The following LRRTM4 variants were observed in gnomAD, a reference collection of about 807,000 sequenced individuals.
LRRTM4 encodes leucine-rich repeat transmembrane neuronal protein 4.
A neutral mutation model predicts 47.6 loss-of-function variants in LRRTM4; 25 were observed. That is an observed-to-expected ratio of 0.53 (90% CI 0.38 to 0.73). The LOEUF is 0.73. Among genes scored for constraint, LRRTM4 ranks in the 30% least tolerant of loss-of-function variants. LRRTM4 has a pLI of 0.00. For missense variants in LRRTM4, 638 were observed against 713.4 expected (o/e 0.89, Z 1.20); for synonymous variants, 311 against 269.5 (o/e 1.15, Z -1.51).
intron 3 of LRRTM4, among the ~76,000 whole-genome samples, chr2:76,864,328 T>C (rs1672402821): frequency 6.6e-6 from 1 of 152,170 alleles, no homozygotes; most frequent in South Asian, 2.1e-4. Context: ...AGATTGGTTA[T>C]GAAAACATTT....
At chr2:77,207,349 G>GTA (rs1553409290) in intron 3 of LRRTM4, among the ~76,000 whole-genome samples, 5,883 of 120,608 alleles carry the variant, frequency 0.049, 174 homozygotes, top group African/African-American at 0.088. Flanking sequence ...TCATATATGT[G>GTA]TATATATATA....
chr2:76,912,531 T>TCG, intron 3 of LRRTM4, among the ~76,000 whole-genome samples: 2 of 152,290 alleles, frequency 1.3e-5, no homozygotes, highest in East Asian at 3.9e-4. Flanking sequence ...ATTCCAAGAT[T>TCG]ATGAGAACAA....
At chr2:77,240,833 A>C (rs1675238901) in intron 3 of LRRTM4, among the ~76,000 whole-genome samples, 1 of 151,974 alleles carries the variant, frequency 6.6e-6, no homozygotes, top group Non-Finnish European at 1.5e-5. Context: ...AAATGCCATT[A>C]ATTATTAAGG....
intron 3 of LRRTM4, among the ~76,000 whole-genome samples, chr2:76,913,970 A>C (rs537224351): frequency 6.6e-6 from 1 of 152,060 alleles, no homozygotes; most frequent in African/African-American, 2.4e-5. Context: ...TTAGAAATGC[A>C]TATCTCTTCA....
At chr2:76,934,056 T>C (rs1674859620) in intron 3 of LRRTM4, among the ~76,000 whole-genome samples, 1 of 152,154 alleles carries the variant, frequency 6.6e-6, no homozygotes, top group South Asian at 2.1e-4. Context: ...GTGTTCACTT[T>C]GCATCAGTAC....
At chr2:76,780,687 C>G (rs1324182150) in intron 3 of LRRTM4, among the ~76,000 whole-genome samples, 1 of 152,108 alleles carries the variant, frequency 6.6e-6, no homozygotes, top group African/African-American at 2.4e-5. Context: ...TTTTCAACTT[C>G]TTTGCCTTTG....
intron 3 of LRRTM4, among the ~76,000 whole-genome samples, chr2:77,106,520 C>G (rs1455861534): frequency 6.6e-6 from 1 of 151,562 alleles, no homozygotes; most frequent in African/African-American, 2.4e-5. Flanking sequence ...GATAGAAATA[C>G]TGGAATTAAG....
intron 3 of LRRTM4, among the ~76,000 whole-genome samples, chr2:77,190,213 C>A (rs1007362212): frequency 1.3e-5 from 2 of 150,764 alleles, no homozygotes; most frequent in African/African-American, 4.9e-5. Flanking sequence ...TCTATCAATT[C>A]ATTTGTATAT....
intron 3 of LRRTM4, among the ~76,000 whole-genome samples, chr2:77,051,689 C>A (rs1679438072): frequency 6.6e-6 from 1 of 152,164 alleles, no homozygotes; most frequent in Non-Finnish European, 1.5e-5. Flanking sequence ...AGTCCCTAGA[C>A]ATCTGTAAAA....
chr2:77,090,195 C>A (rs985764003), intron 3 of LRRTM4, among the ~76,000 whole-genome samples: 1 of 152,118 alleles, frequency 6.6e-6, no homozygotes, highest in South Asian at 2.1e-4. Flanking sequence ...CCCCGTCCTG[C>A]CCAGCAATTT....
chr2:77,086,420 G>GTGTGTGTGTGTGTA (rs1680716424), intron 3 of LRRTM4, among the ~76,000 whole-genome samples: 1 of 150,592 alleles, frequency 6.6e-6, no homozygotes, highest in African/African-American at 2.4e-5. Context: ...GTGTGTGTAT[G>GTGTGTGTGTGTGTA]TGTGTGTATG....
chr2:76,797,160 T>C (rs199896627), intron 3 of LRRTM4, among the ~76,000 whole-genome samples: 1 of 151,864 alleles, frequency 6.6e-6, no homozygotes, highest in African/African-American at 2.4e-5. Flanking sequence ...ATACACACAA[T>C]TGTCAGATTC....
intron 3 of LRRTM4, among the ~76,000 whole-genome samples, chr2:77,079,827 T>A (rs1180103980): frequency 6.6e-6 from 1 of 152,104 alleles, no homozygotes; most frequent in Non-Finnish European, 1.5e-5. Context: ...ATTTCTATTC[T>A]TTTACTTTTT....
intron 3 of LRRTM4, among the ~76,000 whole-genome samples, chr2:77,032,538 GAATAATTGAATA>G (rs2104144304): frequency 6.6e-6 from 1 of 152,000 alleles, no homozygotes; most frequent in Non-Finnish European, 1.5e-5. Flanking sequence ...TATATTTTTT[GAATAATTGAATA>G]AATAATTGAA....
At chr2:77,244,074 T>A (rs1675354948) in intron 3 of LRRTM4, among the ~76,000 whole-genome samples, 1 of 132,258 alleles carries the variant, frequency 7.6e-6, no homozygotes, top group African/African-American at 2.9e-5. Flanking sequence ...TCCAATTTCA[T>A]CCATGTCCCT....
intron 3 of LRRTM4, among the ~76,000 whole-genome samples, chr2:77,401,993 T>A (rs1443881798): frequency 1.3e-5 from 2 of 152,018 alleles, no homozygotes; most frequent in East Asian, 3.9e-4. Flanking sequence ...TATAAAGAGA[T>A]TACTTAAACA....
At chr2:77,258,102 TA>T (rs1675819285) in intron 3 of LRRTM4, among the ~76,000 whole-genome samples, 1 of 113,512 alleles carries the variant, frequency 8.8e-6, no homozygotes, top group African/African-American at 3.3e-5. Context: ...GTCTCAAAAA[TA>T]AAAAGAAAAG....
chr2:77,174,857 T>C (rs1010250149), intron 3 of LRRTM4, among the ~76,000 whole-genome samples: 1 of 151,898 alleles, frequency 6.6e-6, no homozygotes. Context: ...CCATGTGTTC[T>C]CATTGTTCAA....
chr2:76,900,715 G>A (rs564591664), intron 3 of LRRTM4, among the ~76,000 whole-genome samples: 3 of 152,184 alleles, frequency 2.0e-5, no homozygotes, highest in Admixed American at 6.5e-5. Context: ...CATAAAAATC[G>A]AGATAATAGT....
Sources: allele counts gnomAD v4.1 joint callset (sites outside exome capture counted in the v4.1 genomes callset), GRCh38; gene constraint gnomAD v4.1.1; transcripts MANE v1.5; gene names NCBI Gene and HGNC (gene_info 2026-07-23, HGNC 2026-07-21).